Variants in EDC3 observed in about 807,000 individuals in gnomAD.
The protein encoded by EDC3 is enhancer of mRNA decapping 3, also known as enhancer of mRNA-decapping protein 3.
EDC3 carries 20 observed loss-of-function variants against 41.8 expected under a neutral mutation model. That is an observed-to-expected ratio of 0.48 (90% CI 0.34 to 0.70). The LOEUF is 0.70. Among genes scored for constraint, EDC3 ranks in the 30% least tolerant of loss-of-function variants. The pLI, the probability that EDC3 is intolerant of heterozygous loss-of-function variation, is 0.01. For synonymous variants in EDC3, 206 were observed against 243.2 expected, an observed-to-expected ratio of 0.85 and a Z score of 1.42; for missense variants, 444 against 636.8, an observed-to-expected ratio of 0.70 and a Z score of 3.26.
At chr15:74,641,024 C>A (rs553177400) in intron 4 of EDC3, 150 of 243,768 alleles carry the variant, frequency 6.2e-4, no homozygotes, top group Non-Finnish European at 1.1e-3. Context: ...GGCTTCCTCA[C>A]AAGCAGGCCC....
chr15:74,671,579 C>T lies in EDC3; in HGVS notation c.360G>A (p.Arg120=). ...SSSAPQNIPK[R]TDVKSQDVAV... ...CAACATCCTGGCTCTTCACATCTGT[C>T]CTCTTAGGGATATTCTGAGGGGCAC... The change falls in exon 3 of 7, where the codon AGG becomes AGA. Residue 120 remains arginine, a synonymous_variant. Coordinates refer to ENST00000315127, the MANE Select transcript of EDC3 (RefSeq NM_025083.5). The surrounding 1 kb of genome is among the most constrained non-coding windows in gnomAD (Gnocchi z 4.6). 1 of 1,614,190 alleles carries T rather than the reference C, an allele frequency of 6.2e-7. No individual in the cohort carries two copies.
intron 3 of EDC3, among the ~76,000 whole-genome samples, chr15:74,658,925 TGA>T (rs2062586755): frequency 1.3e-5 from 2 of 151,462 alleles, no homozygotes; most frequent in Non-Finnish European, 2.9e-5. Flanking sequence ...GGTGACAGAG[TGA>T]GACTCTGTCC....
In EDC3 at chr15:74,635,896, C is replaced by T. The variant is rs1238745321; in HGVS notation, c.975-270G>A. 2.2e-5 allele frequency: 11 copies of T among 497,142 alleles called. No individual in the cohort carries two copies. In the South Asian group the frequency reaches 2.6e-4, roughly 12 times the overall value. 30.8% of individuals were successfully genotyped at this position (497,142 alleles called of 1,614,324 possible). A position where few individuals can be genotyped will look rare whatever the true frequency, so the allele number is the denominator to read the frequency against. ...GCTCCACACAACACTGTTGCCACAA[C>T]ACCGCTTTGCTGACCCATGAACACT... On this transcript the variant is annotated intron_variant, in intron 5 of 6. Transcript: ENST00000315127.
chr15:74,689,243 CA>C (rs1267441286), intron 1 of EDC3, among the ~76,000 whole-genome samples: 3 of 152,180 alleles, frequency 2.0e-5, no homozygotes, highest in Non-Finnish European at 4.4e-5. Context: ...TACATTTATA[CA>C]ACCCACCATA....
chr15:74,667,864 C>T (rs1264819912), intron 3 of EDC3, among the ~76,000 whole-genome samples: 1 of 152,166 alleles, frequency 6.6e-6, no homozygotes, highest in Non-Finnish European at 1.5e-5. Context: ...CATAACTTCT[C>T]ACTCCCTGGG....
chr15:74,693,338 T>C (rs746434446), intron 1 of EDC3, among the ~76,000 whole-genome samples: 17 of 152,238 alleles, frequency 1.1e-4, no homozygotes, highest in Non-Finnish European at 2.9e-5. Context: ...GTATAGTTGA[T>C]TTTGTTTGGA....
chr15:74,652,487 C>G (rs1397756978), intron 4 of EDC3, among the ~76,000 whole-genome samples: 4 of 152,172 alleles, frequency 2.6e-5, no homozygotes, highest in African/African-American at 9.7e-5. Context: ...CTCAGCCCCC[C>G]AAAGTGCTGG....
chr15:74,659,804 T>C (rs934008434), intron 3 of EDC3, among the ~76,000 whole-genome samples: 1 of 152,058 alleles, frequency 6.6e-6, no homozygotes, highest in Non-Finnish European at 1.5e-5. Context: ...CCCAGCACTT[T>C]GGGAGGCTGA....
At chr15:74,672,096 C>T (rs2062745687) in intron 2 of EDC3, among the ~76,000 whole-genome samples, 1 of 136,910 alleles carries the variant, frequency 7.3e-6, no homozygotes, top group African/African-American at 3.0e-5. Context: ...CCCGTCTCTA[C>T]TAAAAATACA....
In EDC3 at chr15:74,640,521, T is replaced by C. The variant is rs570993704; in HGVS notation, c.919A>G (p.Met307Val). 9.9e-6 allele frequency: 16 copies of C among 1,614,144 alleles called. No homozygotes were observed. Among genetic ancestry groups the C allele is most frequent in the African/African-American group, 1.3e-5 (1 of 75,010 alleles). The stretch of plus-strand genomic sequence containing the variant: ...ATCTGACTGGCACACACACCTGTCA[T>C]CTCCAGTCTCCGCTCAAGGGTCAGC... ...HGLTLERRLE[M>V]TGVCASQMAL... The change falls in exon 5 of 7, where the codon ATG (methionine) becomes GTG (valine). Residue 307 changes from methionine (M) to valine (V), a missense_variant. Physicochemically the swap from Met to Val is conservative, Grantham distance 21. This residue lies in a region of EDC3 where 242 missense variants were observed against 363.8 expected (regional missense o/e 0.67). Coordinates refer to ENST00000315127, the MANE Select transcript of EDC3 (RefSeq NM_025083.5).
intron 2 of EDC3, among the ~76,000 whole-genome samples, chr15:74,673,075 T>C (rs560579978): frequency 6.6e-5 from 10 of 152,068 alleles, no homozygotes; most frequent in African/African-American, 2.2e-4. Context: ...ATGGTGATAC[T>C]AAAGGGACGG....
At chr15:74,634,540 G>A (rs1264503677) in intron 6 of EDC3, among the ~76,000 whole-genome samples, 2 of 152,018 alleles carry the variant, frequency 1.3e-5, no homozygotes, top group East Asian at 3.9e-4. Flanking sequence ...GGTGTCTCAA[G>A]CTGAGCTTCT....
At chr15:74,695,608 G>C (rs981302175) in intron 1 of EDC3, 25 of 152,266 alleles carry the variant, frequency 1.6e-4, no homozygotes, top group African/African-American at 5.1e-4. Context: ...CACCAACAAG[G>C]CTGGACTAAG....
chr15:74,660,090 A>G (rs1466304281), intron 3 of EDC3, among the ~76,000 whole-genome samples: 1 of 151,406 alleles, frequency 6.6e-6, no homozygotes, highest in African/African-American at 2.4e-5. Flanking sequence ...AATATGGATG[A>G]GACTACTCAG....
chr15:74,632,502 A>C lies in EDC3; in HGVS notation c.*110T>G. 2.3e-6 allele frequency: 3 copies of C among 1,306,288 alleles called. No homozygotes were observed. Among genetic ancestry groups the C allele is most frequent in the Non-Finnish European group, 3.1e-6 (3 of 953,636 alleles). The allele number at this position is 1,306,288 out of a possible 1,614,324, so 80.9% of individuals were successfully genotyped here. A position where few individuals can be genotyped will look rare whatever the true frequency, so the allele number is the denominator to read the frequency against. The stretch of plus-strand genomic sequence containing the variant: ...AGTTCTGTTCTCTCACAGAAGAAAC[A>C]AACCCAAAAGAGAAAAAACTTTAAC... On this transcript the variant is annotated 3_prime_UTR_variant, in exon 7 of 7. Transcript: ENST00000315127. The surrounding 1 kb of genome is among the most constrained non-coding windows in gnomAD (Gnocchi z 4.0).
intron 1 of EDC3, among the ~76,000 whole-genome samples, chr15:74,677,631 A>T (rs528482281): frequency 6.6e-6 from 1 of 152,178 alleles, no homozygotes; most frequent in Admixed American, 6.5e-5. Context: ...TCGGCCTCCT[A>T]AGTGCTAGGT....
chr15:74,675,678 A>G (rs1283665140), intron 1 of EDC3, among the ~76,000 whole-genome samples: 1 of 151,388 alleles, frequency 6.6e-6, no homozygotes, highest in African/African-American at 2.4e-5. Flanking sequence ...CACGAGATCA[A>G]GACCATCCTG....
rs1338350241 is a variant in EDC3 at position 74,648,438 on chromosome 15, A to AT, written c.820+7294dup. Among the ~76,000 whole-genome samples, 8 of 152,334 alleles carry AT rather than the reference A, an allele frequency of 5.3e-5. No individual in the cohort carries two copies. In the East Asian group the frequency reaches 1.5e-3, roughly 29 times the overall value. On this transcript the variant is annotated intron_variant, in intron 4 of 6. Transcript: ENST00000315127. ...AAGCCAAACTTGTCCTAAGAGCTAGATACATCCCCACCAAGGCTCAAAGAC... is the reference window on the plus strand; with the variant it reads ...AAGCCAAACTTGTCCTAAGAGCTAGATTACATCCCCACCAAGGCTCAAAGAC...
chr15:74,669,632 C>T (rs149929797), intron 3 of EDC3, among the ~76,000 whole-genome samples: 18 of 152,218 alleles, frequency 1.2e-4, no homozygotes, highest in African/African-American at 4.1e-4. Flanking sequence ...TAGAATTCAC[C>T]CAGCACACTA....
Sources: allele counts gnomAD v4.1 joint callset (sites outside exome capture counted in the v4.1 genomes callset), GRCh38; gene constraint gnomAD v4.1.1; regional missense constraint gnomAD v4.1.1; non-coding constraint Gnocchi (gnomAD v3.1); transcripts MANE v1.5; gene names NCBI Gene and HGNC (gene_info 2026-07-23, HGNC 2026-07-21).